Variants in CCDC7 observed in about 807,000 individuals in gnomAD.
CCDC7 encodes the protein coiled-coil domain-containing protein 7.
Under a neutral mutation model 196.9 loss-of-function variants are expected in CCDC7, and 183 were observed. The ratio of observed to expected loss-of-function variants is 0.93; its 90% CI spans 0.82 to 1.05. The LOEUF is 1.05. CCDC7 is among the 50% of genes least tolerant of loss of function. CCDC7 has a pLI of 0.00. For synonymous variants in CCDC7, 525 were observed against 484.6 expected, an observed-to-expected ratio of 1.08 and a Z score of -1.10; for missense variants, 1,540 against 1,482.2, an observed-to-expected ratio of 1.04 and a Z score of -0.64.
At chr10:32,594,550 T>C (rs968808303) in intron 18 of CCDC7, among the ~76,000 whole-genome samples, 10 of 152,128 alleles carry the variant, frequency 6.6e-5, no homozygotes, top group Non-Finnish European at 1.2e-4. Context: ...TTTCTTTCTC[T>C]TGCCTGATTG....
intron 11 of CCDC7, among the ~76,000 whole-genome samples, chr10:32,529,343 G>C (rs2049257602): frequency 6.6e-6 from 1 of 152,066 alleles, no homozygotes; most frequent in Non-Finnish European, 1.5e-5. Flanking sequence ...TAAAGGAATT[G>C]CCACACTGTT....
intron 24 of CCDC7, among the ~76,000 whole-genome samples, chr10:32,697,992 A>G (rs1161400935): frequency 6.6e-6 from 1 of 152,208 alleles, no homozygotes; most frequent in Non-Finnish European, 1.5e-5. Context: ...AGGATCAGGC[A>G]GCAACCTTTG....
chr10:32,835,638 G>A (rs1280251873), intron 33 of CCDC7, among the ~76,000 whole-genome samples: 2 of 151,972 alleles, frequency 1.3e-5, no homozygotes, highest in Non-Finnish European at 2.9e-5. Context: ...AATGATGAGA[G>A]CATATGGACA....
intron 28 of CCDC7, among the ~76,000 whole-genome samples, chr10:32,751,394 G>T (rs7909047): frequency 0.14 from 21,732 of 151,896 alleles, 1,894 homozygotes; most frequent in African/African-American, 0.25. Context: ...GATCCCAAAT[G>T]CCAAGATGGC....
At chr10:32,650,886 A>T (rs773122810) in intron 20 of CCDC7, among the ~76,000 whole-genome samples, 4 of 152,144 alleles carry the variant, frequency 2.6e-5, no homozygotes, top group South Asian at 2.1e-4. Flanking sequence ...TGCATTATGT[A>T]CATTCTCTTA....
chr10:32,543,496 A>C, intron 12 of CCDC7, 111 bp downstream of exon 13: 2 of 1,058,970 alleles, frequency 1.9e-6, no homozygotes, highest in Non-Finnish European at 2.5e-6. Flanking sequence ...TCTTTTAAAA[A>C]CATAAAATTG....
At chr10:32,739,612 T>C (rs1377932892) in intron 28 of CCDC7, among the ~76,000 whole-genome samples, 1 of 152,118 alleles carries the variant, frequency 6.6e-6, no homozygotes, top group Non-Finnish European at 1.5e-5. Context: ...TTCTGCCATA[T>C]CTGAGTTTGA....
intron 18 of CCDC7, among the ~76,000 whole-genome samples, chr10:32,627,507 C>T (rs2064224979): frequency 6.6e-6 from 1 of 151,754 alleles, no homozygotes; most frequent in South Asian, 2.1e-4. Context: ...TTATTTCTTT[C>T]TCTAGCCTAA....
chr10:32,766,298 G>T (rs546995391), intron 28 of CCDC7, among the ~76,000 whole-genome samples: 1 of 151,936 alleles, frequency 6.6e-6, no homozygotes, highest in African/African-American at 2.4e-5. Context: ...GTATATTAAG[G>T]CAACGTATTC....
In CCDC7 at chr10:32,804,981, C is replaced by T. The variant is rs61123271; in HGVS notation, c.3014-34C>T. On this transcript the variant is annotated intron_variant, in intron 29 of 41. Coordinates refer to ENST00000639629, the Ensembl canonical transcript of CCDC7. Reference sequence around the variant, plus strand: ...TCACATTCCTATGTAAGGATTACCTCGCAAAGTATTTTTAAATCCATCTAT... The same window carrying T: ...TCACATTCCTATGTAAGGATTACCTTGCAAAGTATTTTTAAATCCATCTAT... The T allele has an allele frequency of 9.5e-3, 13,139 of 1,383,636 alleles. 922 individuals carry two copies. The African/African-American group carries it at 0.16, about 17-fold the overall frequency. The allele number at this position is 1,383,636 out of a possible 1,614,324, so 85.7% of individuals were successfully genotyped here.
At chr10:32,485,633 T>C (rs1210042387) in intron 8 of CCDC7, among the ~76,000 whole-genome samples, 5 of 152,242 alleles carry the variant, frequency 3.3e-5, no homozygotes, top group African/African-American at 1.2e-4. Flanking sequence ...TGTGGGCATT[T>C]AGTGCTATAA....
Position 32,778,969 on chromosome 10 carries a change from T to C in CCDC7, c.2906-8T>C. The C allele has an allele frequency of 3.9e-6, 6 of 1,542,058 alleles. No individual in the cohort carries two copies. In the South Asian group the frequency reaches 4.8e-5, roughly 12 times the overall value. ...ATCAACTACTTTGACAATCTGTTAT[T>C]CTTACAGTTAAAAATGAAGCAGCCT... On this transcript the variant is annotated splice_region_variant and splice_polypyrimidine_tract_variant and intron_variant, in intron 28 of 41. Coordinates refer to ENST00000639629, the Ensembl canonical transcript of CCDC7.
intron 28 of CCDC7, among the ~76,000 whole-genome samples, chr10:32,762,665 T>C (rs2077640090): frequency 6.6e-6 from 1 of 151,638 alleles, no homozygotes; most frequent in Admixed American, 6.6e-5. Flanking sequence ...TAAAAACAGA[T>C]GTACAAACTG....
intron 7 of CCDC7, among the ~76,000 whole-genome samples, chr10:32,473,440 T>G (rs1019804757): frequency 2.0e-5 from 3 of 152,216 alleles, no homozygotes; most frequent in Non-Finnish European, 1.5e-5. Context: ...GATGCTCTGC[T>G]AAGGAGCTTA....
intron 15 of CCDC7, 41 bp from the exon 17 acceptor site, chr10:32,571,818 C>T: frequency 6.7e-7 from 1 of 1,499,070 alleles, no homozygotes; most frequent in Non-Finnish European, 8.9e-7. Flanking sequence ...ATTTCATATG[C>T]ATACTTGATA....
intron 9 of CCDC7, chr10:32,513,448 T>C (rs1393116734): frequency 1.3e-5 from 2 of 152,086 alleles, no homozygotes; most frequent in Non-Finnish European, 2.9e-5. Flanking sequence ...CTGTACAAAC[T>C]CTTCTAAAAA....
chr10:32,603,127 G>GCTAT lies in CCDC7; in HGVS notation c.1801+18825_1801+18828dup, dbSNP rs1037241427. 5.6e-4 allele frequency among the ~76,000 whole-genome samples: 85 copies of GCTAT among 151,056 alleles called. No homozygotes were observed. In the Middle Eastern group the frequency reaches 0.014, roughly 25 times the overall value. On this transcript the variant is annotated intron_variant, in intron 18 of 41. Transcript: ENST00000639629. ...TCCCACCCCTTCCCAGGCTCTTGTA[G>GCTAT]CTATCATTGTACTCTATATCCCCAT...
chr10:32,759,644 G>A (rs2077094222), intron 28 of CCDC7, among the ~76,000 whole-genome samples: 1 of 152,162 alleles, frequency 6.6e-6, no homozygotes, highest in African/African-American at 2.4e-5. Context: ...AAAAACCCTA[G>A]AAGAAAACCT....
intron 40 of CCDC7, 33 bp from the exon 42 acceptor site, chr10:32,854,367 C>T (rs2093672891): frequency 8.4e-7 from 1 of 1,191,672 alleles, no homozygotes; most frequent in Non-Finnish European, 1.2e-6. Flanking sequence ...TAATTTACCA[C>T]ATAATTTAAT....
Sources: gnomAD v4.1 joint callset for allele counts (sites outside exome capture counted in the v4.1 genomes callset) on GRCh38, gnomAD v4.1.1 for gene constraint, MANE v1.5 for transcripts, NCBI Gene and HGNC (gene_info 2026-07-23, HGNC 2026-07-21) for gene names.